The following HSPA2 variants were observed in gnomAD, a reference collection of about 807,000 sequenced individuals.
HSPA2 encodes the protein heat shock-related 70 kDa protein 2.
Under a neutral mutation model 35.0 loss-of-function variants are expected in HSPA2, and 13 were observed. That is an observed-to-expected ratio of 0.37 (90% CI 0.24 to 0.59). The LOEUF (loss-of-function observed/expected upper bound fraction) is 0.59, where lower values mean the gene tolerates loss of function less well. Ranked by LOEUF, HSPA2 falls within the 20% of genes least tolerant of loss-of-function variation. HSPA2 has a pLI of 0.70. For missense variants in HSPA2, 565 were observed against 885.4 expected, an observed-to-expected ratio of 0.64 and a Z score of 4.59; for synonymous variants, 368 against 382.1, an observed-to-expected ratio of 0.96 and a Z score of 0.43.
upstream of HSPA2, among the ~76,000 whole-genome samples, chr14:64,539,815 G>A (rs2080009462): frequency 1.3e-5 from 2 of 152,172 alleles, no homozygotes; most frequent in South Asian, 4.1e-4. Flanking sequence ...CCGAGTAGCT[G>A]AGACTACAGG....
In HSPA2 at chr14:64,542,079, C is replaced by T. The variant is rs772430024; in HGVS notation, c.1230C>T (p.Gly410=). The T allele has an allele frequency of 2.5e-6, 4 of 1,613,590 alleles. No homozygotes were observed. The highest frequency in any genetic ancestry group is 2.7e-5 in the African/African-American group (2 of 74,992). ...TGTCGCTGGGCATCGAGACAGCTGG[C>T]GGTGTCATGACCCCACTCATCAAGA... ...TPLSLGIETA[G]GVMTPLIKRN... is the part of the protein sequence containing the mutation. The change falls in exon 1 of 1, where the codon GGC becomes GGT. Residue 410 remains glycine, a synonymous_variant. Transcript: ENST00000247207. This position sits in a 1 kb window ranked among gnomAD's most constrained non-coding sequence, Gnocchi z 5.7.
chr14:64,539,881 C>A (rs1292182829), upstream of HSPA2, among the ~76,000 whole-genome samples: 3 of 152,164 alleles, frequency 2.0e-5, no homozygotes, highest in Admixed American at 2.0e-4. Context: ...GGGCTTTCAC[C>A]ATGTTGGCCA....
rs565901627 is a variant in HSPA2 at position 64,541,598 on chromosome 14, G to T, written c.749G>T (p.Arg250Leu). 2.5e-6 allele frequency: 4 copies of T among 1,611,644 alleles called. No homozygotes were observed. The South Asian group carries it at 4.4e-5, about 18-fold the overall frequency. ...MVSHLAEEFK[R>L]KHKKDIGPNK... is the part of the protein sequence containing the mutation. The stretch of plus-strand genomic sequence containing the variant: ...AGCCACCTGGCGGAGGAGTTCAAGC[G>T]CAAGCACAAGAAGGACATTGGGCCC... Residue 250 changes from arginine (R) to leucine (L), a missense_variant, in exon 1 of 1, where the codon CGC becomes CTC. Physicochemically the swap from Arg to Leu is moderately radical, Grantham distance 102 (BLOSUM62 -2). Around this residue, in one of 4 missense-constraint regions of HSPA2, gnomAD observed 234 missense variants for 419.0 expected, o/e 0.56. Transcript: ENST00000247207.
upstream of HSPA2, among the ~76,000 whole-genome samples, chr14:64,536,555 G>T (rs2079981787): frequency 6.6e-6 from 1 of 152,136 alleles, no homozygotes; most frequent in African/African-American, 2.4e-5. Flanking sequence ...GAGCTAAGGA[G>T]TTCGAGACCA....
At chr14:64,539,541 AAGGGTTTAAATGC>A (rs1350622694), upstream of HSPA2, among the ~76,000 whole-genome samples, 3 of 150,196 alleles carry the variant, frequency 2.0e-5, no homozygotes, top group African/African-American at 5.1e-5. Context: ...GTGAGGCAGG[AAGGGTTTAAATGC>A]AGGCTCCTCG....
rs1158063213 is a variant in HSPA2, at chr14:64,541,386, G to T, written c.537G>T (p.Ala179=). The change falls in exon 1 of 1, where the codon GCG becomes GCT. Residue 179 remains alanine (A), a synonymous_variant. Transcript: ENST00000247207. The stretch of plus-strand genomic sequence containing the variant: ...TGCGCATCATCAACGAGCCCACGGC[G>T]GCGGCCATCGCCTACGGCCTGGACA... The part of the protein sequence containing the change: ...NVLRIINEPT[A]AAIAYGLDKK... 6.2e-7 allele frequency: 1 copy of T among 1,612,524 alleles called. No individual in the cohort carries two copies. The highest frequency in any genetic ancestry group is 1.7e-5 in the Admixed American group (1 of 59,852).
rs998573840 is a variant in HSPA2, at chr14:64,540,755, G to T, written c.-95G>T. 5 of 1,543,048 alleles carry T rather than the reference G, an allele frequency of 3.2e-6. No homozygotes were observed. Among genetic ancestry groups the T allele is most frequent in the South Asian group, 1.2e-5 (1 of 80,014 alleles). ...CGCGGGGAGCTGAGTTGCTGGTAGT[G>T]CCCGTGGTGCTTGGTTCGAGGTGGC... On this transcript the variant is annotated 5_prime_UTR_variant, in exon 1 of 1. Coordinates refer to ENST00000247207, the MANE Select transcript of HSPA2 (RefSeq NM_021979.4).
In HSPA2 at chr14:64,541,423, G is replaced by A; in HGVS notation, c.574G>A (p.Ala192Thr). ...IAYGLDKKGC[A>T]GGEKNVLIFD... ...CTACGGCCTGGACAAGAAGGGCTGC[G>A]CGGGCGGCGAGAAGAACGTGCTCAT... The change falls in exon 1 of 1, where the codon GCG becomes ACG. Residue 192 changes from alanine to threonine, a missense_variant. Transcript: ENST00000247207. The A allele has an allele frequency of 1.2e-6, 2 of 1,613,834 alleles. No homozygotes were observed. The highest frequency in any genetic ancestry group is 1.7e-6 in the Non-Finnish European group (2 of 1,179,998).
At chr14:64,536,440 TA>T (rs1222611880), upstream of HSPA2, among the ~76,000 whole-genome samples, 1 of 152,218 alleles carries the variant, frequency 6.6e-6, no homozygotes, top group Admixed American at 6.5e-5. Flanking sequence ...TAATGCTAAA[TA>T]AAAGGCATGA....
Position 64,542,289 on chromosome 14 carries a change from C to G in HSPA2, c.1440C>G (p.Thr480=). 1.2e-6 allele frequency: 2 copies of G among 1,614,050 alleles called. No homozygotes were observed. Residue 480 remains threonine, a synonymous_variant, in exon 1 of 1, where the codon ACC becomes ACG. Coordinates refer to ENST00000247207, the MANE Select transcript of HSPA2 (RefSeq NM_021979.4). This position sits in a 1 kb window ranked among gnomAD's most constrained non-coding sequence, Gnocchi z 5.7. ...GCGGGGTCCCCCAAATCGAGGTTAC[C>G]TTCGACATTGACGCCAATGGCATCC... ...APRGVPQIEV[T]FDIDANGILN... is the part of the protein sequence containing the mutation.
At position 64,541,214 on chromosome 14, in the gene HSPA2, C is replaced by T; in HGVS notation, c.365C>T (p.Ser122Phe). 6.2e-7 allele frequency: 1 copy of T among 1,614,148 alleles called. No homozygotes were observed. ...ACCTTCTTCCCAGAGGAGATATCCTCCATGGTCCTCACGAAGATGAAGGAG... is the reference window on the plus strand; with the variant it reads ...ACCTTCTTCCCAGAGGAGATATCCTTCATGGTCCTCACGAAGATGAAGGAG... ...TKTFFPEEIS[S>F]MVLTKMKEIA... Residue 122 changes from serine to phenylalanine, a missense_variant, in exon 1 of 1, where the codon TCC becomes TTC. Around this residue, in one of 4 missense-constraint regions of HSPA2, gnomAD observed 183 missense variants for 281.6 expected, o/e 0.65. Coordinates refer to ENST00000247207, the MANE Select transcript of HSPA2 (RefSeq NM_021979.4).
At chr14:64,537,244 CAAAGA>C (rs778349492), upstream of HSPA2, among the ~76,000 whole-genome samples, 24 of 140,794 alleles carry the variant, frequency 1.7e-4, no homozygotes, top group African/African-American at 2.9e-4. Context: ...TCTAAAAAAA[CAAAGA>C]AAAGAAAAGA....
rs149891536 is a variant in HSPA2 at position 64,542,569 on chromosome 14, C to G, written c.1720C>G (p.Leu574Val). The G allele has an allele frequency of 2.6e-4, 416 of 1,613,742 alleles. No individual in the cohort carries two copies. In the African/African-American group the frequency reaches 4.8e-3, roughly 18 times the overall value. Residue 574 changes from leucine to valine, a missense_variant, in exon 1 of 1, where the codon CTC (leucine) becomes GTC (valine). Physicochemically the swap from Leu to Val is conservative, Grantham distance 32 (BLOSUM62 1). This residue lies in a region of HSPA2 where 147 missense variants were observed against 166.7 expected (regional missense o/e 0.88). Transcript: ENST00000247207. This position sits in a 1 kb window ranked among gnomAD's most constrained non-coding sequence, Gnocchi z 5.7. ...KISEQDKNKI[L>V]DKCQEVINWL... ...TAGCGAGCAGGACAAAAACAAGATC[C>G]TCGACAAGTGTCAGGAGGTGATCAA...
rs751675059 is a variant in HSPA2, at chr14:64,540,868, G to T, written c.19G>T (p.Ala7Ser). The change falls in exon 1 of 1, where the codon GCT (alanine) becomes TCT (serine). Residue 7 changes from alanine to serine, a missense_variant. Transcript: ENST00000247207. ...AGTCAGGATGTCTGCCCGTGGCCCG[G>T]CTATCGGCATCGACCTGGGCACCAC... MSARGP[A>S]IGIDLGTTYS... 5.0e-6 allele frequency: 8 copies of T among 1,613,994 alleles called. No individual in the cohort carries two copies. In the African/African-American group the frequency reaches 8.0e-5, roughly 16 times the overall value.
At chr14:64,537,819 C>T (rs578069780), upstream of HSPA2, among the ~76,000 whole-genome samples, 126 of 151,596 alleles carry the variant, frequency 8.3e-4, no homozygotes, top group Non-Finnish European at 1.4e-3. Flanking sequence ...CCTCTGCCTC[C>T]CGGATTCAAG....
chr14:64,541,660 G>T lies in HSPA2; in HGVS notation c.811G>T (p.Glu271Ter). Residue 271 changes from glutamate to a stop codon, truncating the protein, a stop_gained, in exon 1 of 1, where the codon GAG becomes TAG. Transcript: ENST00000247207. LOFTEE classifies it high-confidence loss of function. ...CGTGAGGCGGCTGCGCACCGCTTGCGAGCGCGCCAAGCGCACCCTGAGCTC... is the reference window on the plus strand; with the variant it reads ...CGTGAGGCGGCTGCGCACCGCTTGCTAGCGCGCCAAGCGCACCCTGAGCTC... Reference protein sequence around the residue: ...RAVRRLRTACERAKRTLSSST... With the variant: ...RAVRRLRTAC The T allele has an allele frequency of 6.2e-7, 1 of 1,611,596 alleles. No homozygotes were observed.
Position 64,541,590 on chromosome 14 carries a change from G to C in HSPA2, c.741G>C (p.Glu247Asp). The change falls in exon 1 of 1, where the codon GAG (glutamate) becomes GAC (aspartate). Residue 247 changes from glutamate (E) to aspartate (D), a missense_variant. Glu to Asp is a conservative substitution (Grantham distance 45). Coordinates refer to ENST00000247207, the MANE Select transcript of HSPA2 (RefSeq NM_021979.4). ...GCATGGTGAGCCACCTGGCGGAGGAGTTCAAGCGCAAGCACAAGAAGGACA... is the reference window on the plus strand; with the variant it reads ...GCATGGTGAGCCACCTGGCGGAGGACTTCAAGCGCAAGCACAAGAAGGACA... ...DNRMVSHLAE[E>D]FKRKHKKDIG... 6.2e-7 allele frequency: 1 copy of C among 1,612,110 alleles called. No individual in the cohort carries two copies. The highest frequency in any genetic ancestry group is 8.5e-7 in the Non-Finnish European group (1 of 1,179,970).
chr14:64,541,144 G>A lies in HSPA2; in HGVS notation c.295G>A (p.Gly99Arg), dbSNP rs907021625. Residue 99 changes from glycine to arginine, a missense_variant, in exon 1 of 1, where the codon GGA becomes AGA. By Grantham distance (125) the Gly-to-Arg change is moderately radical (BLOSUM62 -2). Coordinates refer to ENST00000247207, the MANE Select transcript of HSPA2 (RefSeq NM_021979.4). Reference sequence around the variant, plus strand: ...CTGGCCGTTCCGGGTGGTGAGCGAGGGAGGCAAGCCCAAAGTGCAAGTAGA... The same window carrying A: ...CTGGCCGTTCCGGGTGGTGAGCGAGAGAGGCAAGCCCAAAGTGCAAGTAGA... ...KHWPFRVVSE[G>R]GKPKVQVEYK... 7 of 1,614,230 alleles carry A rather than the reference G, an allele frequency of 4.3e-6. No individual in the cohort carries two copies. The highest frequency in any genetic ancestry group is 1.7e-5 in the Admixed American group (1 of 60,028).
chr14:64,538,570 T>C (rs1221918073), upstream of HSPA2, among the ~76,000 whole-genome samples: 1 of 152,250 alleles, frequency 6.6e-6, no homozygotes, highest in Non-Finnish European at 1.5e-5. Flanking sequence ...GGATTAGGCA[T>C]GCCACCTCTT....
Sources: gnomAD v4.1 joint callset for allele counts (sites outside exome capture counted in the v4.1 genomes callset) on GRCh38, gnomAD v4.1.1 for gene constraint, gnomAD v4.1.1 regional missense constraint, Gnocchi (gnomAD v3.1) non-coding constraint, MANE v1.5 for transcripts, NCBI Gene and HGNC (gene_info 2026-07-23, HGNC 2026-07-21) for gene names.